GPC6: variants seen among roughly 807,000 people sequenced by gnomAD.
The protein encoded by GPC6 is glypican 6.
GPC6 carries 14 observed loss-of-function variants against 55.2 expected under a neutral mutation model. The observed-to-expected ratio is 0.25, with a 90% CI of 0.17 to 0.40. GPC6 has a LOEUF of 0.40. Ranked by LOEUF, GPC6 falls within the 10% of genes least tolerant of loss-of-function variation. The pLI is 1.00. For synonymous variants in GPC6, 278 were observed against 259.6 expected, an observed-to-expected ratio of 1.07 and a Z score of -0.68; for missense variants, 641 against 708.5, an observed-to-expected ratio of 0.90 and a Z score of 1.08.
the GPC6 span, among the ~76,000 whole-genome samples, chr13:93,217,329 T>C: frequency 6.6e-6 from 1 of 152,248 alleles, no homozygotes; most frequent in African/African-American, 2.4e-5. Flanking sequence ...AAATCTTAGA[T>C]CTTACTTCTC....
At chr13:94,226,817 G>A (rs539049021) in intron 4 of GPC6, among the ~76,000 whole-genome samples, 2 of 152,292 alleles carry the variant, frequency 1.3e-5, no homozygotes, top group South Asian at 2.1e-4. Flanking sequence ...TGAAGAAGCT[G>A]GAAGCCTAAA....
At chr13:93,897,628 T>G (rs1876090751) in intron 3 of GPC6, among the ~76,000 whole-genome samples, 1 of 152,150 alleles carries the variant, frequency 6.6e-6, no homozygotes, top group African/African-American at 2.4e-5. Flanking sequence ...CATACATCCA[T>G]GTGCCCCAGA....
intron 4 of GPC6, chr13:94,187,420 G>A (rs1219840739): frequency 6.6e-6 from 1 of 152,130 alleles, no homozygotes; most frequent in East Asian, 1.9e-4. Flanking sequence ...AAGAGGCCAC[G>A]TAACCCAATA....
At chr13:94,010,082 A>G (rs1369212724) in intron 3 of GPC6, among the ~76,000 whole-genome samples, 2 of 152,278 alleles carry the variant, frequency 1.3e-5, no homozygotes, top group South Asian at 2.1e-4. Context: ...ACAAACCCAA[A>G]TTGAAGATCA....
chr13:94,106,318 C>T (rs1366900029), intron 4 of GPC6, among the ~76,000 whole-genome samples: 1 of 152,178 alleles, frequency 6.6e-6, no homozygotes, highest in African/African-American at 2.4e-5. Flanking sequence ...GAAAAGGTTA[C>T]ATTATTTGGT....
chr13:93,915,942 C>T (rs1276469841), intron 3 of GPC6, among the ~76,000 whole-genome samples: 2 of 152,174 alleles, frequency 1.3e-5, no homozygotes, highest in Admixed American at 6.5e-5. Context: ...AAGAGCGCCC[C>T]TTAGGTGAGC....
chr13:93,398,704 T>G (rs1453874029), intron 1 of GPC6, among the ~76,000 whole-genome samples: 1 of 152,170 alleles, frequency 6.6e-6, no homozygotes, highest in Admixed American at 6.5e-5. Context: ...TGACATGAAT[T>G]ATCTCATTTA....
At chr13:93,646,060 T>A (rs1880156765) in intron 2 of GPC6, among the ~76,000 whole-genome samples, 1 of 152,078 alleles carries the variant, frequency 6.6e-6, no homozygotes, top group South Asian at 2.1e-4. Context: ...TCTGTACATT[T>A]ATAAGAACAA....
intron 6 of GPC6, among the ~76,000 whole-genome samples, chr13:94,354,189 C>G (rs1878681275): frequency 6.6e-6 from 1 of 152,088 alleles, no homozygotes; most frequent in South Asian, 2.1e-4. Flanking sequence ...CTTCTGCTCT[C>G]CAAGGAATGA....
intron 4 of GPC6, among the ~76,000 whole-genome samples, chr13:94,243,383 C>T (rs1176625483): frequency 6.6e-6 from 1 of 151,998 alleles, no homozygotes; most frequent in South Asian, 2.1e-4. Context: ...TGTAACACTT[C>T]AAAATCATTG....
At position 93,227,192 on chromosome 13, in the gene GPC6, A is replaced by C; in HGVS notation, c.-265A>C. On this transcript the variant is annotated 5_prime_UTR_variant, in exon 1 of 9. Transcript: ENST00000377047. This position sits in a 1 kb window ranked among gnomAD's most constrained non-coding sequence, Gnocchi z 4.3. Reference sequence around the variant, plus strand: ...TCCTTCTCTTCCTCGTTTTGATTGCACCGTTTCCATCTGGGGGCTAGAGGA... The same window carrying C: ...TCCTTCTCTTCCTCGTTTTGATTGCCCCGTTTCCATCTGGGGGCTAGAGGA... 2.6e-6 allele frequency: 1 copy of C among 383,880 alleles called. No individual in the cohort carries two copies. The highest frequency in any genetic ancestry group is 4.3e-5 in the Admixed American group (1 of 23,396). 23.8% of individuals were successfully genotyped at this position (383,880 alleles called of 1,614,324 possible).
At position 94,407,342 on chromosome 13, in the gene GPC6, T is replaced by G. The variant is rs928238874; in HGVS notation, c.*4125T>G. 6.6e-6 allele frequency: 1 copy of G among 152,152 alleles called. No individual in the cohort carries two copies. Among genetic ancestry groups the G allele is most frequent in the Non-Finnish European group, 1.5e-5 (1 of 67,982 alleles). The allele number at this position is 152,152 out of a possible 1,614,324, so 9.4% of individuals were successfully genotyped here. On this transcript the variant is annotated 3_prime_UTR_variant, in exon 9 of 9. Coordinates refer to ENST00000377047, the MANE Select transcript of GPC6 (RefSeq NM_005708.5). ...ATATTATTTGGGTTAAGATTTTTCA[T>G]TTCTGATTTGGATAGAAAATTGCTA...
chr13:94,242,071 C>T (rs1891070181), intron 4 of GPC6, among the ~76,000 whole-genome samples: 2 of 151,836 alleles, frequency 1.3e-5, no homozygotes, highest in South Asian at 4.2e-4. Flanking sequence ...CTCCCCACTC[C>T]CCCCACCCCA....
chr13:94,232,475 A>T (rs1890758942), intron 4 of GPC6, among the ~76,000 whole-genome samples: 1 of 152,212 alleles, frequency 6.6e-6, no homozygotes, highest in Non-Finnish European at 1.5e-5. Context: ...AACTTGTTTA[A>T]ATAGAGGAAA....
At chr13:93,422,599 A>C (rs2139261478) in intron 1 of GPC6, among the ~76,000 whole-genome samples, 1 of 152,300 alleles carries the variant, frequency 6.6e-6, no homozygotes, top group African/African-American at 2.4e-5. Flanking sequence ...ATATTATTTG[A>C]ACTTAATATA....
rs115209569 is a variant in GPC6, at chr13:94,341,005, T to G, written c.1152+34882T>G. On this transcript the variant is annotated intron_variant, in intron 6 of 8. Transcript: ENST00000377047. ...AGGTAACACTGGCATTATCTTCTAT[T>G]GTTACCTCTTGCTTCTTAGGTATTA... Among the ~76,000 whole-genome samples, 428 of 152,354 alleles carry G rather than the reference T, an allele frequency of 2.8e-3. 5 individuals carry two copies. Among genetic ancestry groups the G allele is most frequent in the African/African-American group, 9.8e-3 (408 of 41,570 alleles).
chr13:93,512,961 G>T (rs1881040786), intron 1 of GPC6, among the ~76,000 whole-genome samples: 1 of 152,116 alleles, frequency 6.6e-6, no homozygotes, highest in African/African-American at 2.4e-5. Context: ...CTACTACAGT[G>T]CAAGGTGTCC....
intron 2 of GPC6, among the ~76,000 whole-genome samples, chr13:93,742,843 A>T (rs1266865460): frequency 6.6e-6 from 1 of 152,160 alleles, no homozygotes. Flanking sequence ...GAATATTACC[A>T]GTAAAATATG....
intron 2 of GPC6, among the ~76,000 whole-genome samples, chr13:93,647,898 C>T (rs371604469): frequency 2.6e-5 from 4 of 152,060 alleles, no homozygotes; most frequent in Non-Finnish European, 5.9e-5. Context: ...TTCTTGAATC[C>T]GACACCCTTC....
Sources: allele counts gnomAD v4.1 joint callset (sites outside exome capture counted in the v4.1 genomes callset), GRCh38; gene constraint gnomAD v4.1.1; non-coding constraint Gnocchi (gnomAD v3.1); transcripts MANE v1.5; gene names NCBI Gene and HGNC (gene_info 2026-07-23, HGNC 2026-07-21).